The following SCARF2 variants were observed in gnomAD, a reference collection of about 807,000 sequenced individuals.
SCARF2 encodes scavenger receptor expressed by endothelial cells 2 protein.
A neutral mutation model predicts 73.4 loss-of-function variants in SCARF2; 39 were observed. That is an observed-to-expected ratio of 0.53 (90% CI 0.41 to 0.69). SCARF2 has a LOEUF of 0.69. SCARF2 is among the 30% of genes least tolerant of loss of function. SCARF2 has a pLI of 0.00. For synonymous variants in SCARF2, 605 were observed against 590.0 expected, an observed-to-expected ratio of 1.03 and a Z score of -0.37; for missense variants, 1,148 against 1,303.5, an observed-to-expected ratio of 0.88 and a Z score of 1.84.
rs1555908590 is a variant in SCARF2 at position 20,437,653 on chromosome 22, G to C, written c.102C>G (p.Leu34=). The change falls in exon 1 of 11, where the codon CTC becomes CTG. Residue 34 remains leucine (L), a synonymous_variant. Coordinates refer to ENST00000622235, the MANE Select transcript of SCARF2 (RefSeq NM_182895.5). ...LLPSLLLLLL[L]WMLPDTVAPQ... is the part of the protein sequence containing the mutation. The stretch of plus-strand genomic sequence containing the variant: ...GCGCCACGGTGTCCGGCAGCATCCA[G>C]AGCAGCAGCAGCAGCAGCAGCGACG... The C allele has an allele frequency of 4.6e-6, 7 of 1,536,912 alleles. No individual in the cohort carries two copies. The African/African-American group carries it at 7.0e-5, about 15-fold the overall frequency.
chr22:20,429,138 G>C lies in SCARF2; in HGVS notation c.1540+87C>G. On this transcript the variant is annotated intron_variant, in intron 9 of 10. Transcript: ENST00000622235. The surrounding 1 kb of genome is among the most constrained non-coding windows in gnomAD (Gnocchi z 5.2). ...ACTCAAGGTCCCCCATTTCCTCACT[G>C]AGATCTGGACCCCCTCACACCCATT... 6.4e-7 allele frequency: 1 copy of C among 1,553,162 alleles called. No homozygotes were observed. Among genetic ancestry groups the C allele is most frequent in the Non-Finnish European group, 8.9e-7 (1 of 1,126,570 alleles).
chr22:20,425,928 G>A lies in SCARF2; in HGVS notation c.2048C>T (p.Pro683Leu). Residue 683 changes from proline to leucine, a missense_variant, in exon 11 of 11, where the codon CCA becomes CTA. By Grantham distance (98) the Pro-to-Leu change is moderately conservative. Transcript: ENST00000622235. This position sits in a 1 kb window ranked among gnomAD's most constrained non-coding sequence, Gnocchi z 4.6. ...CGCGGCCTCGGAGCCTGGCGGCGGT[G>A]GTGAGGGCGCACGGCCAGCTGCAGC... ...SAAAAGRAPS[P>L]PPPGSEAAPS... 5 of 1,597,090 alleles carry A rather than the reference G, an allele frequency of 3.1e-6. No homozygotes were observed. The highest frequency in any genetic ancestry group is 4.3e-6 in the Non-Finnish European group (5 of 1,175,274).
rs2052713295 is a variant in SCARF2 at position 20,437,485 on chromosome 22, A to G, written c.173+97T>C. 1.4e-5 allele frequency: 18 copies of G among 1,310,470 alleles called. 1 individual carries two copies. In the South Asian group the frequency reaches 2.2e-4, roughly 16 times the overall value. The allele number at this position is 1,310,470 out of a possible 1,614,324, so 81.2% of individuals were successfully genotyped here. A position where few individuals can be genotyped will look rare whatever the true frequency, so the allele number is the denominator to read the frequency against. On this transcript the variant is annotated intron_variant, in intron 1 of 10. Transcript: ENST00000622235. Reference sequence around the variant, plus strand: ...AGCCGAAGGGGCCCACACTTGGCGTAGGAAGGTTCCGGTAGCCCCCTCCCA... The same window carrying G: ...AGCCGAAGGGGCCCACACTTGGCGTGGGAAGGTTCCGGTAGCCCCCTCCCA...
In SCARF2 at chr22:20,425,405, C is replaced by T; in HGVS notation, c.2571G>A (p.Glu857=). 7.0e-7 allele frequency: 1 copy of T among 1,431,514 alleles called. No individual in the cohort carries two copies. Among genetic ancestry groups the T allele is most frequent in the Non-Finnish European group, 9.2e-7 (1 of 1,090,000 alleles). The allele number at this position is 1,431,514 out of a possible 1,614,324, so 88.7% of individuals were successfully genotyped here. The change falls in exon 11 of 11, where the codon GAG becomes GAA. Residue 857 remains glutamate (E), a synonymous_variant. Transcript: ENST00000622235. The surrounding 1 kb of genome is among the most constrained non-coding windows in gnomAD (Gnocchi z 4.6). ...PRKKSREAAG[E]LGRAGAPTL Reference sequence around the variant, plus strand: ...GGGTGGGTGCGCCCGCCCTGCCCAGCTCGCCCGCCGCCTCCCGGCTCTTCT... The same window carrying T: ...GGGTGGGTGCGCCCGCCCTGCCCAGTTCGCCCGCCGCCTCCCGGCTCTTCT...
At position 20,430,419 on chromosome 22, in the gene SCARF2, G is replaced by T; in HGVS notation, c.1202+10C>A. The T allele has an allele frequency of 6.3e-7, 1 of 1,585,640 alleles. No individual in the cohort carries two copies. The highest frequency in any genetic ancestry group is 1.1e-5 in the South Asian group (1 of 87,742). On this transcript the variant is annotated intron_variant, in intron 6 of 10. Coordinates refer to ENST00000622235, the MANE Select transcript of SCARF2 (RefSeq NM_182895.5). ...AGCCCCCAACCCCCTCCCGGTCCCG[G>T]GGCACTCACTGGGGCCCGTGGACGC...
At chr22:20,433,317 A>G (rs2052667323) in intron 1 of SCARF2, among the ~76,000 whole-genome samples, 1 of 152,234 alleles carries the variant, frequency 6.6e-6, no homozygotes, top group South Asian at 2.1e-4. Context: ...AAAGGCATGT[A>G]ACAGCCATTC....
In SCARF2 at chr22:20,427,402, A is replaced by T. The variant is rs1185630909; in HGVS notation, c.1689T>A (p.His563Gln). The T allele has an allele frequency of 3.1e-6, 5 of 1,613,962 alleles. No individual in the cohort carries two copies. The highest frequency in any genetic ancestry group is 4.2e-6 in the Non-Finnish European group (5 of 1,179,974). Residue 563 changes from histidine to glutamine, a missense_variant, in exon 10 of 11, where the codon CAT (histidine) becomes CAA (glutamine). Physicochemically the swap from His to Gln is conservative, Grantham distance 24. Transcript: ENST00000622235. ...CCCAGGTAGGGCCTTACTTACCCTC[A>T]TGGGGTACACAGTACACAGGGCCTT... Reference protein sequence around the residue: ...TDEGPVYCVPHEEAPAESRDP... With the variant: ...TDEGPVYCVPQEEAPAESRDP...
At chr22:20,437,061 C>G (rs939938147) in intron 1 of SCARF2, among the ~76,000 whole-genome samples, 3 of 152,132 alleles carry the variant, frequency 2.0e-5, no homozygotes, top group African/African-American at 7.2e-5. Context: ...CGACGCTCGC[C>G]TGGGTCACCA....
intron 1 of SCARF2, among the ~76,000 whole-genome samples, chr22:20,437,297 T>C (rs1343722949): frequency 6.6e-6 from 1 of 152,204 alleles, no homozygotes; most frequent in Non-Finnish European, 1.5e-5. Context: ...AAGGGTCCCT[T>C]TTTCCAGGTC....
intron 1 of SCARF2, among the ~76,000 whole-genome samples, chr22:20,436,445 G>A (rs1248309049): frequency 6.6e-6 from 1 of 152,016 alleles, no homozygotes; most frequent in East Asian, 1.9e-4. Flanking sequence ...CCGCGGCGGC[G>A]GCATCGATGC....
intron 10 of SCARF2, 51 bp from the exon 11 acceptor site, chr22:20,426,333 G>A: frequency 1.3e-6 from 2 of 1,519,452 alleles, no homozygotes; most frequent in Non-Finnish European, 1.8e-6. Flanking sequence ...ACCTTTAGGG[G>A]CTCCAACCTC....
At chr22:20,435,233 T>G (rs1245133486) in intron 1 of SCARF2, among the ~76,000 whole-genome samples, 2 of 152,164 alleles carry the variant, frequency 1.3e-5, no homozygotes, top group Admixed American at 6.5e-5. Context: ...TCTTCTTTCT[T>G]GTCTACACCA....
chr22:20,431,037 C>A lies in SCARF2; in HGVS notation c.835G>T (p.Gly279Cys). 6.3e-7 allele frequency: 1 copy of A among 1,575,210 alleles called. No homozygotes were observed. Among genetic ancestry groups the A allele is most frequent in the African/African-American group, 1.3e-5 (1 of 74,382 alleles). The change falls in exon 4 of 11, where the codon GGC becomes TGC. Residue 279 changes from glycine (G) to cysteine (C), a missense_variant. Physicochemically the swap from Gly to Cys is radical, Grantham distance 159. Around this residue, in one of 5 missense-constraint regions of SCARF2, gnomAD observed 372 missense variants for 532.0 expected, o/e 0.70. Transcript: ENST00000622235. ...GCTTACCGGCGGCGACAGCCCAAGC[C>A]GTAGAAGCCGGCGGGGCACGGCTCG... ...CREPCPAGFYGLGCRRRCGQC... is the reference protein window; with the variant it reads ...CREPCPAGFYCLGCRRRCGQC...
chr22:20,425,873 G>A lies in SCARF2; in HGVS notation c.2103C>T (p.Pro701=). Residue 701 remains proline (P), a synonymous_variant, in exon 11 of 11, where the codon CCC becomes CCT. Coordinates refer to ENST00000622235, the MANE Select transcript of SCARF2 (RefSeq NM_182895.5). The surrounding 1 kb of genome is among the most constrained non-coding windows in gnomAD (Gnocchi z 4.6). ...APSPSKRKRT[P]SDKSAHTVEH... is the part of the protein sequence containing the mutation. The stretch of plus-strand genomic sequence containing the variant: ...CGACCGTATGCGCCGATTTGTCGCT[G>A]GGCGTCCGTTTCCTCTTGCTGGGGC... The A allele has an allele frequency of 1.3e-6, 2 of 1,597,192 alleles. No individual in the cohort carries two copies. The highest frequency in any genetic ancestry group is 1.7e-6 in the Non-Finnish European group (2 of 1,174,932).
chr22:20,431,223 A>C lies in SCARF2; in HGVS notation c.649T>G (p.Cys217Gly). The change falls in exon 4 of 11, where the codon TGC (cysteine) becomes GGC (glycine). Residue 217 changes from cysteine (C) to glycine (G), a missense_variant. Transcript: ENST00000622235. ...WGRSCNNQCA[C>G]NSSPCEQQSG... is the part of the protein sequence containing the mutation. Reference sequence around the variant, plus strand: ...TGCTGCTCGCAGGGAGACGAGTTGCAGGCGCACTGGTTGTTGCAGCTGCGG... The same window carrying C: ...TGCTGCTCGCAGGGAGACGAGTTGCCGGCGCACTGGTTGTTGCAGCTGCGG... The C allele has an allele frequency of 6.4e-7, 1 of 1,560,866 alleles. No individual in the cohort carries two copies. Among genetic ancestry groups the C allele is most frequent in the South Asian group, 1.2e-5 (1 of 86,270 alleles).
At chr22:20,430,651 G>A in intron 5 of SCARF2, 39 bp downstream of exon 5, 1 of 1,599,350 alleles carries the variant, frequency 6.3e-7, no homozygotes, top group Non-Finnish European at 8.5e-7. Context: ...GCAGGGCGGG[G>A]GACTGCGTGT....
chr22:20,436,209 G>A (rs2052696960), intron 1 of SCARF2, among the ~76,000 whole-genome samples: 2 of 152,260 alleles, frequency 1.3e-5, no homozygotes, highest in Admixed American at 1.3e-4. Flanking sequence ...TCCTGGAGCA[G>A]GCGCCTCCTG....
In SCARF2 at chr22:20,429,424, A is replaced by AGGGGCGGGGCCACGTCC; in HGVS notation, c.1424+95_1425-85dup. 6.4e-7 allele frequency: 1 copy of AGGGGCGGGGCCACGTCC among 1,557,754 alleles called. No individual in the cohort carries two copies. The highest frequency in any genetic ancestry group is 8.7e-7 in the Non-Finnish European group (1 of 1,152,870). On this transcript the variant is annotated intron_variant, in intron 8 of 10. Coordinates refer to ENST00000622235, the MANE Select transcript of SCARF2 (RefSeq NM_182895.5). This position sits in a 1 kb window ranked among gnomAD's most constrained non-coding sequence, Gnocchi z 5.2. ...GATCTCGGCCGGAGCCAAGCACAGAAGGGGCGGGGCCACGTCCGGGGCAGG... is the reference window on the plus strand; with the variant it reads ...GATCTCGGCCGGAGCCAAGCACAGAAGGGGCGGGGCCACGTCCGGGGCGGGGCCACGTCCGGGGCAGG...
chr22:20,429,323 C>G lies in SCARF2; in HGVS notation c.1442G>C (p.Arg481Thr). The change falls in exon 9 of 11, where the codon AGG becomes ACG. Residue 481 changes from arginine to threonine, a missense_variant. By Grantham distance (71) the Arg-to-Thr change is moderately conservative. Transcript: ENST00000622235. The surrounding 1 kb of genome is among the most constrained non-coding windows in gnomAD (Gnocchi z 5.2). ...DPTRRELSLG[R>T]KKAPHRLCGR... is the part of the protein sequence containing the mutation. Reference sequence around the variant, plus strand: ...GCATAGTCGGTGCGGCGCCTTCTTCCTCCCAAGCGAAAGCTCCCTGCGGGG... The same window carrying G: ...GCATAGTCGGTGCGGCGCCTTCTTCGTCCCAAGCGAAAGCTCCCTGCGGGG... 2 of 1,612,628 alleles carry G rather than the reference C, an allele frequency of 1.2e-6. No homozygotes were observed. Among genetic ancestry groups the G allele is most frequent in the Non-Finnish European group, 1.7e-6 (2 of 1,179,690 alleles).
Sources: allele counts gnomAD v4.1 joint callset (sites outside exome capture counted in the v4.1 genomes callset), GRCh38; gene constraint gnomAD v4.1.1; regional missense constraint gnomAD v4.1.1; non-coding constraint Gnocchi (gnomAD v3.1); transcripts MANE v1.5; gene names NCBI Gene and HGNC (gene_info 2026-07-23, HGNC 2026-07-21).